Variants in CNTN3 observed in about 807,000 individuals in gnomAD.
CNTN3 encodes contactin-3.
CNTN3 carries 60 observed loss-of-function variants against 119.1 expected under a neutral mutation model. The ratio of observed to expected loss-of-function variants is 0.50; its 90% CI spans 0.41 to 0.62. CNTN3 has a LOEUF of 0.62. CNTN3 is among the 20% of genes least tolerant of loss of function. CNTN3 has a pLI of 0.00. For synonymous variants in CNTN3, 450 were observed against 438.7 expected (o/e 1.03, Z -0.32); for missense variants, 1,101 against 1,242.4 (o/e 0.89, Z 1.71).
At chr3:74,285,097 C>T (rs916192432) in intron 20 of CNTN3, among the ~76,000 whole-genome samples, 1 of 152,020 alleles carries the variant, frequency 6.6e-6, no homozygotes, top group African/African-American at 2.4e-5. Context: ...AGAAGGTGCA[C>T]GTTCATTTTC....
At chr3:74,371,785 G>A (rs1168740762) in intron 5 of CNTN3, among the ~76,000 whole-genome samples, 1 of 151,900 alleles carries the variant, frequency 6.6e-6, no homozygotes, top group Non-Finnish European at 1.5e-5. Flanking sequence ...AACCTCTCAG[G>A]CATCATGCAA....
intron 11 of CNTN3, among the ~76,000 whole-genome samples, chr3:74,340,530 T>C (rs879750681): frequency 6.6e-6 from 1 of 152,054 alleles, no homozygotes; most frequent in Non-Finnish European, 1.5e-5. Flanking sequence ...TTTGGGGCCA[T>C]GACACCCAAA....
chr3:74,433,844 T>C (rs1172749980), intron 4 of CNTN3, among the ~76,000 whole-genome samples: 3 of 152,236 alleles, frequency 2.0e-5, no homozygotes, highest in African/African-American at 7.2e-5. Context: ...TTATTGCTGT[T>C]CTTTCTTATT....
At chr3:74,371,053 T>A (rs1294492647) in intron 6 of CNTN3, 143 bp downstream of exon 6, 2 of 634,720 alleles carry the variant, frequency 3.2e-6, no homozygotes, top group African/African-American at 3.7e-5. Context: ...ATCATTTTTG[T>A]CATTGTACTC....
intron 1 of CNTN3, among the ~76,000 whole-genome samples, chr3:74,545,759 GTTTGA>G (rs1236523613): frequency 4.6e-5 from 7 of 151,932 alleles, no homozygotes; most frequent in South Asian, 4.1e-4. Flanking sequence ...TGTTTTTGTT[GTTTGA>G]TTTATTACCA....
chr3:74,404,883 G>C (rs1705287228), intron 5 of CNTN3, among the ~76,000 whole-genome samples: 1 of 151,910 alleles, frequency 6.6e-6, no homozygotes, highest in African/African-American at 2.4e-5. Flanking sequence ...CAGTGGTAGG[G>C]ACAGGTAATC....
intron 4 of CNTN3, among the ~76,000 whole-genome samples, chr3:74,452,986 T>C (rs969428143): frequency 7.9e-5 from 12 of 151,640 alleles, no homozygotes; most frequent in African/African-American, 2.7e-4. Context: ...TCTTTTTTGG[T>C]TGTGTCTCTG....
At chr3:74,334,688 A>G in intron 13 of CNTN3, 47 bp downstream of exon 13, 1 of 1,517,320 alleles carries the variant, frequency 6.6e-7, no homozygotes, top group Non-Finnish European at 9.1e-7. Flanking sequence ...GCAATGTGCC[A>G]GAGACACATG....
At chr3:74,394,205 G>A (rs1443441854) in intron 5 of CNTN3, among the ~76,000 whole-genome samples, 1 of 152,078 alleles carries the variant, frequency 6.6e-6, no homozygotes, top group African/African-American at 2.4e-5. Flanking sequence ...GTTTATTAAG[G>A]TGAAAACTCA....
intron 11 of CNTN3, among the ~76,000 whole-genome samples, chr3:74,345,996 G>A (rs1426662068): frequency 1.3e-5 from 2 of 152,092 alleles, no homozygotes; most frequent in Admixed American, 6.5e-5. Flanking sequence ...TAGGCAACTG[G>A]AACACTGGCA....
intron 1 of CNTN3, among the ~76,000 whole-genome samples, chr3:74,554,988 G>T (rs1294912807): frequency 9.9e-5 from 15 of 152,168 alleles, no homozygotes; most frequent in Admixed American, 9.8e-4. Context: ...CTTGTCTTGT[G>T]CCGGTTTTCA....
At chr3:74,595,210 T>C (rs1704784141) in intron 1 of CNTN3, among the ~76,000 whole-genome samples, 1 of 151,678 alleles carries the variant, frequency 6.6e-6, no homozygotes, top group Non-Finnish European at 1.5e-5. Context: ...GTCAGATGAG[T>C]AGGTTGCAAA....
At chr3:74,339,609 T>A (rs553638314) in intron 11 of CNTN3, among the ~76,000 whole-genome samples, 1 of 152,210 alleles carries the variant, frequency 6.6e-6, no homozygotes, top group East Asian at 1.9e-4. Context: ...ATTTTTCTCC[T>A]CCAGTACACT....
intron 4 of CNTN3, among the ~76,000 whole-genome samples, chr3:74,462,646 T>A (rs1425960230): frequency 6.6e-6 from 1 of 152,092 alleles, no homozygotes; most frequent in Non-Finnish European, 1.5e-5. Context: ...ACTTCCTCCA[T>A]AATATATTGA....
At chr3:74,495,489 A>G (rs1321994380) in intron 3 of CNTN3, among the ~76,000 whole-genome samples, 2 of 152,034 alleles carry the variant, frequency 1.3e-5, no homozygotes, top group African/African-American at 4.8e-5. Context: ...GTGTGTATAT[A>G]TACATATAGC....
intron 4 of CNTN3, among the ~76,000 whole-genome samples, chr3:74,449,769 T>C (rs1364201032): frequency 6.6e-6 from 1 of 152,158 alleles, no homozygotes. Flanking sequence ...ATTGGTTTTC[T>C]ATCAAATACT....
chr3:74,499,573 A>C, intron 3 of CNTN3, 86 bp downstream of exon 3: 1 of 1,323,150 alleles, frequency 7.6e-7, no homozygotes, highest in Non-Finnish European at 1.0e-6. Flanking sequence ...TGATGGCATA[A>C]ATATATTGAA....
At chr3:74,538,453 G>A (rs1032250452) in intron 1 of CNTN3, among the ~76,000 whole-genome samples, 1 of 152,122 alleles carries the variant, frequency 6.6e-6, no homozygotes, top group African/African-American at 2.4e-5. Flanking sequence ...CCAATTATTT[G>A]CAGGGTCAGA....
intron 4 of CNTN3, among the ~76,000 whole-genome samples, chr3:74,472,222 G>A (rs1702578441): frequency 6.6e-6 from 1 of 152,164 alleles, no homozygotes; most frequent in African/African-American, 2.4e-5. Flanking sequence ...ACACAACAGA[G>A]TGTCCAACAG....
Sources: allele counts gnomAD v4.1 joint callset (sites outside exome capture counted in the v4.1 genomes callset), GRCh38; gene constraint gnomAD v4.1.1; transcripts MANE v1.5; gene names NCBI Gene and HGNC (gene_info 2026-07-23, HGNC 2026-07-21).